The following MTOR variants were observed in gnomAD, a reference collection of about 807,000 sequenced individuals.
MTOR encodes mechanistic target of rapamycin kinase, also known as serine/threonine-protein kinase mTOR.
A neutral mutation model predicts 319.8 loss-of-function variants in MTOR; 70 were observed. The ratio of observed to expected loss-of-function variants is 0.22; its 90% CI spans 0.18 to 0.27. The LOEUF is 0.27. MTOR is among the 10% of genes least tolerant of loss of function. The pLI, the probability that MTOR is intolerant of heterozygous loss-of-function variation, is 1.00. For synonymous variants in MTOR, 1,183 were observed against 1,211.4 expected (o/e 0.98, Z 0.49); for missense variants, 1,890 against 3,274.4 (o/e 0.58, Z 10.32).
rs946036909 is a variant in MTOR, at chr1:11,192,181, G to A, written c.4253+7077C>T. ...GTAATTAACACCACTGAGAATCCCA[G>A]GGTAGAAATAAAGGCTCAGTCTCTA... is the stretch of plus-strand genomic sequence containing the variant. On this transcript the variant is annotated intron_variant, in intron 28 of 57. Coordinates refer to ENST00000361445, the MANE Select transcript of MTOR (RefSeq NM_004958.4). 7.3e-6 allele frequency: 7 copies of A among 960,096 alleles called. No individual in the cohort carries two copies. In the Admixed American group the frequency reaches 1.1e-4, roughly 15 times the overall value. The allele number at this position is 960,096 out of a possible 1,614,324, so 59.5% of individuals were successfully genotyped here.
intron 11 of MTOR, among the ~76,000 whole-genome samples, chr1:11,239,296 C>T (rs976615398): frequency 9.2e-5 from 14 of 152,146 alleles, no homozygotes; most frequent in African/African-American, 3.1e-4. Flanking sequence ...TTTTAGTTCC[C>T]GGATTTAAAT....
rs536026228 is a variant in MTOR, at chr1:11,122,201, A to T, written c.6663-75T>A. ...CTTGAGCAGCTCAGAACACAGGCAG[A>T]CTGTTTTTTTTTTCTTTTTTGAGAC... On this transcript the variant is annotated intron_variant, in intron 47 of 57. Coordinates refer to ENST00000361445, the MANE Select transcript of MTOR (RefSeq NM_004958.4). 40 of 1,530,122 alleles carry T rather than the reference A, an allele frequency of 2.6e-5. No individual in the cohort carries two copies. In the Middle Eastern group the frequency reaches 1.8e-3, roughly 67 times the overall value. 94.8% of individuals were successfully genotyped at this position (1,530,122 alleles called of 1,614,324 possible).
At chr1:11,113,358 AT>A (rs112263646) in intron 53 of MTOR, among the ~76,000 whole-genome samples, 4,546 of 152,320 alleles carry the variant, frequency 0.03, 175 homozygotes, top group Admixed American at 0.071. Context: ...ATATTTTAGT[AT>A]CTAAATTGAT....
In MTOR at chr1:11,194,870, C is replaced by T. The variant is rs948050890; in HGVS notation, c.4253+4388G>A. ...TCATGCCAGGTGGCTACTGGTACAACTGCTGCACAGACTCCAACCTCAATG... is the reference window on the plus strand; with the variant it reads ...TCATGCCAGGTGGCTACTGGTACAATTGCTGCACAGACTCCAACCTCAATG... On this transcript the variant is annotated intron_variant, in intron 28 of 57. Coordinates refer to ENST00000361445, the MANE Select transcript of MTOR (RefSeq NM_004958.4). The T allele has an allele frequency of 4.3e-6, 7 of 1,614,038 alleles. No homozygotes were observed. In the African/African-American group the frequency reaches 8.0e-5, roughly 18 times the overall value.
intron 1 of MTOR, 75 bp from the exon 2 acceptor site, chr1:11,259,498 C>G: frequency 6.9e-7 from 1 of 1,443,708 alleles, no homozygotes. Context: ...CCTGGTCACC[C>G]AACACAGATC....
At chr1:11,112,821 A>C (rs763092735) in intron 54 of MTOR, 31 bp downstream of exon 54, 51 of 1,611,352 alleles carry the variant, frequency 3.2e-5, no homozygotes, top group Non-Finnish European at 3.9e-5. Flanking sequence ...CAAGGGGGAG[A>C]GCCTTTGCGA....
intron 46 of MTOR, among the ~76,000 whole-genome samples, chr1:11,126,000 C>T (rs1642812674): frequency 7.3e-6 from 1 of 136,138 alleles, no homozygotes; most frequent in Non-Finnish European, 1.5e-5. Context: ...AAGATTGCGC[C>T]ATTATACTCC....
intron 30 of MTOR, among the ~76,000 whole-genome samples, chr1:11,154,680 CA>C (rs1452305935): frequency 6.6e-6 from 1 of 151,906 alleles, no homozygotes; most frequent in Non-Finnish European, 1.5e-5. Context: ...CCTATCCCTA[CA>C]AAAAATAATT....
At chr1:11,126,041 CAAAAAA>C (rs757246303) in intron 46 of MTOR, among the ~76,000 whole-genome samples, 2 of 28,334 alleles carry the variant, frequency 7.1e-5, no homozygotes, top group South Asian at 1.1e-3. Context: ...AACTCTGGCT[CAAAAAA>C]AAAAAAAAAA....
Position 11,238,415 on chromosome 1 carries a change from C to T in MTOR, c.1989G>A (p.Gly663=). 1 of 1,614,018 alleles carries T rather than the reference C, an allele frequency of 6.2e-7. No individual in the cohort carries two copies. Among genetic ancestry groups the T allele is most frequent in the South Asian group, 1.1e-5 (1 of 91,060 alleles). ...GGCAAGCCTTACCAGGATCTGTTAT[C>T]CCAACTACGAGCAGTTTGCTAAGCA... The part of the protein sequence containing the change: ...ADVLSKLLVV[G]ITDPDPDIRY... The change falls in exon 12 of 58, where the codon GGG becomes GGA. Residue 663 remains glycine, a synonymous_variant. Transcript: ENST00000361445.
At chr1:11,112,942 G>A in intron 53 of MTOR, 25 bp from the exon 54 acceptor site, 2 of 1,598,486 alleles carry the variant, frequency 1.3e-6, no homozygotes, top group Non-Finnish European at 1.7e-6. Context: ...AAAGAGTATT[G>A]AAACATGCTT....
chr1:11,245,011 T>C (rs1368811725), intron 8 of MTOR, among the ~76,000 whole-genome samples: 2 of 152,246 alleles, frequency 1.3e-5, no homozygotes, highest in Non-Finnish European at 2.9e-5. Flanking sequence ...ACTGTAATAC[T>C]GAGCACTGTT....
chr1:11,198,768 G>A (rs1278382625), intron 28 of MTOR, among the ~76,000 whole-genome samples: 1 of 152,152 alleles, frequency 6.6e-6, no homozygotes, highest in Non-Finnish European at 1.5e-5. Context: ...CCACATCAGA[G>A]AAAAGACCAT....
chr1:11,153,141 C>G (rs1644203891), intron 30 of MTOR, among the ~76,000 whole-genome samples: 1 of 152,142 alleles, frequency 6.6e-6, no homozygotes, highest in Non-Finnish European at 1.5e-5. Flanking sequence ...TCCTACTAAC[C>G]CAGCTAGGAA....
intron 1 of MTOR, among the ~76,000 whole-genome samples, chr1:11,260,538 A>G (rs566818567): frequency 3.4e-3 from 512 of 151,550 alleles, no homozygotes; most frequent in Admixed American, 7.1e-3. Context: ...GCAAAACTCC[A>G]TCTCAATTAA....
In MTOR at chr1:11,229,974, T is replaced by A. The variant is rs1646964723; in HGVS notation, c.2779+951A>T. ...AAGTGAGACCCTGTCTCCAAAAAAA[T>A]AAAATTAAGTTAAAATAAAAACAAT... On this transcript the variant is annotated intron_variant, in intron 18 of 57. Transcript: ENST00000361445. Among the ~76,000 whole-genome samples the A allele has an allele frequency of 2.0e-5, 3 of 151,670 alleles. No individual in the cohort carries two copies. The South Asian group carries it at 6.2e-4, about 32-fold the overall frequency.
At chr1:11,147,469 A>C (rs1216552269) in intron 31 of MTOR, among the ~76,000 whole-genome samples, 5 of 152,208 alleles carry the variant, frequency 3.3e-5, no homozygotes, top group Admixed American at 3.3e-4. Context: ...CAGGATTTCC[A>C]AGACCATCTG....
chr1:11,124,753 T>A (rs1229106780), intron 46 of MTOR, 120 bp from the exon 47 acceptor site: 1 of 1,126,412 alleles, frequency 8.9e-7, no homozygotes, highest in Non-Finnish European at 1.2e-6. Flanking sequence ...CACACGTTCC[T>A]CACAAAAAGA....
intron 19 of MTOR, among the ~76,000 whole-genome samples, chr1:11,220,976 T>C (rs1398228226): frequency 1.4e-5 from 2 of 148,104 alleles, no homozygotes; most frequent in Non-Finnish European, 3.0e-5. Context: ...GTTAATGTCT[T>C]ATATAACTAA....
Sources: gnomAD v4.1 joint callset for allele counts (sites outside exome capture counted in the v4.1 genomes callset) on GRCh38, gnomAD v4.1.1 for gene constraint, MANE v1.5 for transcripts, NCBI Gene and HGNC (gene_info 2026-07-23, HGNC 2026-07-21) for gene names.